The following NLRP5 variants were observed in gnomAD, a reference collection of about 807,000 sequenced individuals.
NLRP5 encodes NACHT, LRR and PYD domains-containing protein 5.
A neutral mutation model predicts 113.1 loss-of-function variants in NLRP5; 93 were observed. The ratio of observed to expected loss-of-function variants is 0.82; its 90% CI spans 0.70 to 0.98. The LOEUF (loss-of-function observed/expected upper bound fraction) is 0.98, where lower values mean the gene tolerates loss of function less well. Among genes scored for constraint, NLRP5 ranks in the 50% least tolerant of loss-of-function variants. The pLI is 0.00. For missense variants in NLRP5, 1,808 were observed against 1,514.3 expected, an observed-to-expected ratio of 1.19 and a Z score of -3.22; for synonymous variants, 751 against 600.7, an observed-to-expected ratio of 1.25 and a Z score of -3.66.
At chr19:56,056,821 G>T (rs534253511) in intron 13 of NLRP5, among the ~76,000 whole-genome samples, 7 of 152,204 alleles carry the variant, frequency 4.6e-5, no homozygotes, top group African/African-American at 1.7e-4. Flanking sequence ...AACTTGAGCT[G>T]CATCTCATTA....
intron 4 of NLRP5, among the ~76,000 whole-genome samples, chr19:56,017,890 T>C (rs1311562805): frequency 6.6e-6 from 1 of 152,092 alleles, no homozygotes; most frequent in Non-Finnish European, 1.5e-5. Context: ...CTTGGCTCAC[T>C]GCAACCTCCA....
intron 13 of NLRP5, among the ~76,000 whole-genome samples, chr19:56,054,421 G>A (rs1186240765): frequency 6.6e-6 from 1 of 152,094 alleles, no homozygotes; most frequent in Non-Finnish European, 1.5e-5. Flanking sequence ...AGCCAGGTGT[G>A]GTGGCGCATG....
Position 56,028,062 on chromosome 19 carries a change from T to G in NLRP5, c.1829T>G (p.Leu610Arg). 6.2e-7 allele frequency: 1 copy of G among 1,614,066 alleles called. No individual in the cohort carries two copies. Among genetic ancestry groups the G allele is most frequent in the Non-Finnish European group, 8.5e-7 (1 of 1,179,902 alleles). ...GAAATCGAGCCAGCTCTCTGCCCTCTGTACGTTGAGAAGACAAAGAGGTCC... is the reference window on the plus strand; with the variant it reads ...GAAATCGAGCCAGCTCTCTGCCCTCGGTACGTTGAGAAGACAAAGAGGTCC... The change falls in exon 7 of 15, where the codon CTG becomes CGG. Residue 610 changes from leucine (L) to arginine (R), a missense_variant. Physicochemically the swap from Leu to Arg is moderately radical, Grantham distance 102. Coordinates refer to ENST00000390649, the MANE Select transcript of NLRP5 (RefSeq NM_153447.4).
chr19:56,048,384 C>G (rs540916897), intron 11 of NLRP5, among the ~76,000 whole-genome samples: 4 of 152,116 alleles, frequency 2.6e-5, no homozygotes, highest in African/African-American at 4.8e-5. Context: ...GGATTTGTTT[C>G]AAGATTTAGA....
intron 14 of NLRP5, among the ~76,000 whole-genome samples, chr19:56,060,723 T>C (rs1003733993): frequency 6.6e-6 from 1 of 151,962 alleles, no homozygotes; most frequent in Non-Finnish European, 1.5e-5. Flanking sequence ...TCCAAGTTTT[T>C]TTACATGCAG....
In NLRP5 at chr19:56,027,153, G is replaced by A. The variant is rs1982890550; in HGVS notation, c.920G>A (p.Gly307Glu). ...ATCGTGCTGTGCTGGGCGCAAGGTG[G>A]ACTCTACCAGGGAATGTTCTCCTAC... The change falls in exon 7 of 15, where the codon GGA (glycine) becomes GAA (glutamate). Residue 307 changes from glycine (G) to glutamate (E), a missense_variant. Gly to Glu is a moderately conservative substitution (Grantham distance 98). Transcript: ENST00000390649. 1.2e-6 allele frequency: 2 copies of A among 1,603,010 alleles called. No individual in the cohort carries two copies. Among genetic ancestry groups the A allele is most frequent in the South Asian group, 1.1e-5 (1 of 88,908 alleles).
intron 12 of NLRP5, 39 bp from the exon 13 acceptor site, chr19:56,053,599 C>CGA: frequency 6.4e-7 from 1 of 1,573,668 alleles, no homozygotes; most frequent in Non-Finnish European, 8.7e-7. Context: ...CCACTTTCCT[C>CGA]GAGAGAGGCA....
At chr19:56,014,932 C>G (rs962808561) in intron 3 of NLRP5, among the ~76,000 whole-genome samples, 6 of 152,040 alleles carry the variant, frequency 3.9e-5, no homozygotes, top group African/African-American at 1.4e-4. Flanking sequence ...TTTACAATTT[C>G]TGCAAGCAAA....
intron 13 of NLRP5, among the ~76,000 whole-genome samples, chr19:56,055,976 G>C (rs556837226): frequency 6.6e-6 from 1 of 152,244 alleles, no homozygotes; most frequent in East Asian, 1.9e-4. Flanking sequence ...AGAATCACAG[G>C]ATCAAAACAG....
chr19:56,032,336 C>A (rs1365244765), intron 7 of NLRP5, among the ~76,000 whole-genome samples: 1 of 144,180 alleles, frequency 6.9e-6, no homozygotes, highest in African/African-American at 2.6e-5. Flanking sequence ...CGGAGCGAGA[C>A]TCCATCTCAA....
chr19:56,036,462 T>C lies in NLRP5; in HGVS notation c.2616-1563T>C, dbSNP rs371691329. Among the ~76,000 whole-genome samples the C allele has an allele frequency of 1.9e-4, 29 of 152,000 alleles. 1 individual carries two copies. Among genetic ancestry groups the C allele is most frequent in the African/African-American group, 6.3e-4 (26 of 41,306 alleles). ...GCTGATAAATGAAACGAGATTGTTTTATTCAATAACGACAGACGCTTGATT... is the reference window on the plus strand; with the variant it reads ...GCTGATAAATGAAACGAGATTGTTTCATTCAATAACGACAGACGCTTGATT... On this transcript the variant is annotated intron_variant, in intron 9 of 14. Coordinates refer to ENST00000390649, the MANE Select transcript of NLRP5 (RefSeq NM_153447.4).
At chr19:56,006,793 G>A (rs1360011273) in intron 2 of NLRP5, among the ~76,000 whole-genome samples, 3 of 151,610 alleles carry the variant, frequency 2.0e-5, no homozygotes, top group Non-Finnish European at 4.4e-5. Context: ...AGGCTGGAGT[G>A]CAGTGGCGCA....
At chr19:56,053,933 C>T in intron 13 of NLRP5, 125 bp downstream of exon 13, 3 of 801,336 alleles carry the variant, frequency 3.7e-6, no homozygotes, top group South Asian at 3.4e-5. Context: ...AGATGGAGTG[C>T]AACCTTCGCA....
the NLRP5 span, among the ~76,000 whole-genome samples, chr19:55,991,627 A>G: frequency 6.6e-6 from 1 of 152,162 alleles, no homozygotes; most frequent in Non-Finnish European, 1.5e-5. Context: ...GTGGGATTTC[A>G]TCGTTACATT....
upstream of NLRP5, among the ~76,000 whole-genome samples, chr19:55,996,377 G>A (rs1460196713): frequency 8.6e-5 from 13 of 151,936 alleles, no homozygotes. Context: ...TATACTTTAA[G>A]TTCTAGGGTA....
upstream of NLRP5, among the ~76,000 whole-genome samples, chr19:55,998,722 ATATATATGTG>A (rs1981469480): frequency 7.1e-6 from 1 of 141,442 alleles, no homozygotes; most frequent in African/African-American, 2.7e-5. Context: ...GTGTATATAT[ATATATATGTG>A]TATATATATA....
intron 2 of NLRP5, among the ~76,000 whole-genome samples, chr19:56,005,146 T>A (rs1213842502): frequency 1.4e-5 from 2 of 143,392 alleles, no homozygotes; most frequent in African/African-American, 2.5e-5. Flanking sequence ...CACACACATA[T>A]ATACACACAC....
chr19:56,049,156 TTTA>T (rs1383008042), intron 11 of NLRP5, among the ~76,000 whole-genome samples: 5 of 101,812 alleles, frequency 4.9e-5, no homozygotes, highest in Non-Finnish European at 1.1e-4. Flanking sequence ...TAACTTATTT[TTTA>T]TTTTTTATAT....
chr19:56,001,183 G>A (rs575165313), intron 1 of NLRP5, among the ~76,000 whole-genome samples: 1 of 147,920 alleles, frequency 6.8e-6, no homozygotes, highest in Admixed American at 6.8e-5. Flanking sequence ...TTAAAGGCCT[G>A]GTGCAGTGAT....
Sources: gnomAD v4.1 joint callset for allele counts (sites outside exome capture counted in the v4.1 genomes callset) on GRCh38, gnomAD v4.1.1 for gene constraint, MANE v1.5 for transcripts, NCBI Gene and HGNC (gene_info 2026-07-23, HGNC 2026-07-21) for gene names.